The following SNX13 variants were observed in gnomAD, a reference collection of about 807,000 sequenced individuals.
SNX13 encodes sorting nexin-13.
Under a neutral mutation model 133.6 loss-of-function variants are expected in SNX13, and 45 were observed. The observed-to-expected ratio is 0.34, with a 90% CI of 0.27 to 0.43. The LOEUF is 0.43. SNX13 is among the 20% of genes least tolerant of loss of function. The probability of loss-of-function intolerance (pLI) is 1.00; values close to 1 mark genes in which losing one functional copy is unlikely to be tolerated. For missense variants in SNX13, 1,032 were observed against 1,145.1 expected, an observed-to-expected ratio of 0.90 and a Z score of 1.43; for synonymous variants, 414 against 373.9, an observed-to-expected ratio of 1.11 and a Z score of -1.24.
chr7:17,842,476 G>A (rs1249228903), intron 12 of SNX13, among the ~76,000 whole-genome samples: 1 of 151,834 alleles, frequency 6.6e-6, no homozygotes, highest in East Asian at 1.9e-4. Context: ...TTAAACAAAA[G>A]GACACTAGAT....
At chr7:17,870,159 T>C (rs75701934) in intron 8 of SNX13, among the ~76,000 whole-genome samples, 1,677 of 152,248 alleles carry the variant, frequency 0.011, 16 homozygotes, top group Non-Finnish European at 0.018. Flanking sequence ...AAGACAGCAA[T>C]GTTTGTCAAA....
intron 8 of SNX13, among the ~76,000 whole-genome samples, chr7:17,870,886 T>C (rs758777436): frequency 3.9e-5 from 6 of 152,120 alleles, no homozygotes; most frequent in Non-Finnish European, 8.8e-5. Context: ...TAACAGGGAA[T>C]TATGAGGGAG....
intron 9 of SNX13, among the ~76,000 whole-genome samples, chr7:17,859,111 C>T (rs1167296905): frequency 1.3e-5 from 2 of 152,022 alleles, no homozygotes; most frequent in Non-Finnish European, 2.9e-5. Flanking sequence ...TTCATCAAAA[C>T]TTTAAAATTG....
chr7:17,915,113 A>G (rs1583761590), intron 1 of SNX13, among the ~76,000 whole-genome samples: 1 of 152,354 alleles, frequency 6.6e-6, no homozygotes, highest in East Asian at 1.9e-4. Context: ...AAAACACTAA[A>G]AAAGGACAAA....
chr7:17,843,735 G>C (rs1274384680), intron 12 of SNX13, among the ~76,000 whole-genome samples: 1 of 151,696 alleles, frequency 6.6e-6, no homozygotes, highest in Non-Finnish European at 1.5e-5. Context: ...AACTACAATG[G>C]GATAAAATTA....
chr7:17,840,094 C>T, intron 12 of SNX13, 94 bp from the exon 13 acceptor site: 1 of 1,037,744 alleles, frequency 9.6e-7, no homozygotes, highest in Non-Finnish European at 1.3e-6. Context: ...ATTAAAGTTT[C>T]AAGTGTTTAA....
intron 3 of SNX13, 86 bp downstream of exon 3, chr7:17,893,246 T>G: frequency 1.2e-6 from 1 of 837,092 alleles, no homozygotes; most frequent in East Asian, 2.9e-5. Context: ...ATACGAAAAT[T>G]TGTCACGCTA....
intron 1 of SNX13, among the ~76,000 whole-genome samples, chr7:17,911,680 C>T (rs529478732): frequency 3.3e-5 from 5 of 150,346 alleles, no homozygotes; most frequent in South Asian, 2.1e-4. Context: ...CTTCCCATAA[C>T]GACTTTACTT....
chr7:17,873,496 G>C, intron 8 of SNX13, 32 bp downstream of exon 8: 1 of 1,416,846 alleles, frequency 7.1e-7, no homozygotes. Context: ...ACATTTTTTT[G>C]CAGGTATGAT....
At chr7:17,868,138 C>T (rs1305746916) in intron 9 of SNX13, 2 of 336,254 alleles carry the variant, frequency 5.9e-6, no homozygotes, top group East Asian at 1.4e-4. Flanking sequence ...CATCTATAGA[C>T]ACAGGTAGTA....
chr7:17,856,740 A>G (rs1791934665), intron 9 of SNX13, among the ~76,000 whole-genome samples: 1 of 149,646 alleles, frequency 6.7e-6, no homozygotes, highest in Non-Finnish European at 1.5e-5. Context: ...ATGAGCTGTG[A>G]TCATGCCACC....
chr7:17,936,828 GAAAAAA>G (rs893032639), intron 1 of SNX13, among the ~76,000 whole-genome samples: 2 of 116,042 alleles, frequency 1.7e-5, no homozygotes, highest in African/African-American at 7.9e-5. Flanking sequence ...TAGGGGAAAA[GAAAAAA>G]AAAAAGAAAA....
At chr7:17,915,403 G>T (rs2691575) in intron 1 of SNX13, among the ~76,000 whole-genome samples, 1 of 151,768 alleles carries the variant, frequency 6.6e-6, no homozygotes, top group Admixed American at 6.6e-5. Context: ...CACAAGAAAT[G>T]TGGATAAACC....
intron 11 of SNX13, among the ~76,000 whole-genome samples, chr7:17,846,404 G>A (rs1790532858): frequency 6.6e-6 from 1 of 152,288 alleles, no homozygotes; most frequent in East Asian, 1.9e-4. Context: ...AAACGAAGAT[G>A]AAAAAGGTTG....
In SNX13 at chr7:17,802,861, T is replaced by C. The variant is rs75906711; in HGVS notation, c.2226+558A>G. On this transcript the variant is annotated intron_variant, in intron 21 of 25. Coordinates refer to ENST00000428135, the MANE Select transcript of SNX13 (RefSeq NM_015132.5). ...TAGGAATTCAACAAACTACACAGTC[T>C]AGTACCTTTATGTGTTAATGTAATT... Among the ~76,000 whole-genome samples the C allele has an allele frequency of 2.6e-4, 39 of 152,050 alleles. No homozygotes were observed. The East Asian group carries it at 7.2e-3, about 28-fold the overall frequency.
In SNX13 at chr7:17,940,457, G is replaced by C. The variant is rs747452247; in HGVS notation, c.-162C>G. ...GGCTTCGCTGGCCTCCCCTCGGCCC[G>C]GTCGCTCGCGACGGACGCGCCGCCA... On this transcript the variant is annotated 5_prime_UTR_variant, in exon 1 of 26. Transcript: ENST00000428135. 1.9e-5 allele frequency: 15 copies of C among 787,208 alleles called. No homozygotes were observed. Among genetic ancestry groups the C allele is most frequent in the Admixed American group, 6.0e-5 (3 of 50,094 alleles). 48.8% of individuals were successfully genotyped at this position (787,208 alleles called of 1,614,324 possible). A position where few individuals can be genotyped will look rare whatever the true frequency, so the allele number is the denominator to read the frequency against.
chr7:17,835,001 G>T, intron 13 of SNX13, 136 bp from the exon 14 acceptor site: 1 of 549,240 alleles, frequency 1.8e-6, no homozygotes. Flanking sequence ...ACGACACCTT[G>T]ATGTTTAAGA....
Position 17,908,885 on chromosome 7 carries a change from G to C in SNX13, c.13-11439C>G, listed in dbSNP as rs181171787. Among the ~76,000 whole-genome samples the C allele has an allele frequency of 2.0e-5, 3 of 152,282 alleles. No homozygotes were observed. In the East Asian group the frequency reaches 5.8e-4, roughly 29 times the overall value. On this transcript the variant is annotated intron_variant, in intron 1 of 25. Transcript: ENST00000428135. Reference sequence around the variant, plus strand: ...TAGAAAGGGTGGGGCAGGGGGGTCAGTCAGAGGAAGCATCTTGGAAAATGC... The same window carrying C: ...TAGAAAGGGTGGGGCAGGGGGGTCACTCAGAGGAAGCATCTTGGAAAATGC...
intron 13 of SNX13, among the ~76,000 whole-genome samples, chr7:17,838,079 A>C (rs1789362383): frequency 6.6e-6 from 1 of 151,972 alleles, no homozygotes; most frequent in Admixed American, 6.6e-5. Flanking sequence ...AATTAGAGAA[A>C]AACATTTTTC....
Sources: allele counts gnomAD v4.1 joint callset (sites outside exome capture counted in the v4.1 genomes callset), GRCh38; gene constraint gnomAD v4.1.1; transcripts MANE v1.5; gene names NCBI Gene and HGNC (gene_info 2026-07-23, HGNC 2026-07-21).